Variants in NXPE1 observed in about 807,000 individuals in gnomAD.
The protein encoded by NXPE1 is neurexophilin and PC-esterase domain family member 1, also known as NXPE family member 1.
In NXPE1, 31 loss-of-function variants were observed where a neutral mutation model predicts 33.3. The observed-to-expected ratio is 0.93, with a 90% CI of 0.70 to 1.26. The LOEUF (loss-of-function observed/expected upper bound fraction) is 1.26. NXPE1 is among the 50% of genes most tolerant of loss of function. The probability of loss-of-function intolerance (pLI) is 0.00; values close to 1 mark genes in which losing one functional copy is unlikely to be tolerated. For synonymous variants in NXPE1, 229 were observed against 231.4 expected (o/e 0.99, Z 0.09); for missense variants, 661 against 655.6 (o/e 1.01, Z -0.09).
At chr11:114,554,287 T>C (rs1948598946) in intron 1 of NXPE1, 1 of 975,864 alleles carries the variant, frequency 1.0e-6, no homozygotes, top group South Asian at 4.7e-5. Flanking sequence ...TTCTCTGATA[T>C]GTAAGCAGAG....
intron 1 of NXPE1, among the ~76,000 whole-genome samples, chr11:114,557,662 T>C (rs1253384959): frequency 7.6e-6 from 1 of 131,812 alleles, no homozygotes; most frequent in Non-Finnish European, 1.5e-5. Flanking sequence ...TATATATATA[T>C]ATATATATAT....
intron 5 of NXPE1, among the ~76,000 whole-genome samples, chr11:114,537,945 T>C (rs1187239565): frequency 1.3e-5 from 2 of 152,134 alleles, no homozygotes; most frequent in Non-Finnish European, 2.9e-5. Flanking sequence ...AAAGTTCATA[T>C]GGAACCAAAA....
At chr11:114,556,896 CT>C (rs796264702) in intron 1 of NXPE1, among the ~76,000 whole-genome samples, 281 of 140,516 alleles carry the variant, frequency 2.0e-3, no homozygotes, top group East Asian at 3.5e-3. Flanking sequence ...CCCTTTTTGA[CT>C]TTTTTTTTTT....
intron 5 of NXPE1, among the ~76,000 whole-genome samples, chr11:114,534,281 C>A (rs1042309640): frequency 6.6e-6 from 1 of 152,210 alleles, no homozygotes; most frequent in African/African-American, 2.4e-5. Context: ...CAAAACCCAT[C>A]TGTACATAAC....
intron 1 of NXPE1, chr11:114,554,203 G>A: frequency 4.1e-6 from 4 of 982,758 alleles, no homozygotes; most frequent in Non-Finnish European, 4.8e-6. Context: ...GAAACTTGTA[G>A]CTGGACATGT....
chr11:114,522,028 G>T, exon 9 of NXPE1: 1 of 1,613,886 alleles, frequency 6.2e-7, no homozygotes, highest in Non-Finnish European at 8.5e-7. Context: ...CAGGTGGGTG[G>T]ATAGTGTCAG....
intron 1 of NXPE1, among the ~76,000 whole-genome samples, chr11:114,555,672 G>A (rs1423226574): frequency 3.3e-5 from 5 of 152,128 alleles, no homozygotes; most frequent in South Asian, 2.1e-4. Flanking sequence ...TGCATGCCCC[G>A]CTGCCCATGC....
intron 5 of NXPE1, among the ~76,000 whole-genome samples, chr11:114,533,781 G>A (rs893702665): frequency 8.5e-5 from 13 of 152,218 alleles, no homozygotes; most frequent in African/African-American, 2.7e-4. Flanking sequence ...TAAACAAAGC[G>A]GCCGGGAAGC....
chr11:114,528,985 C>A (rs748042066), intron 6 of NXPE1: 1 of 427,882 alleles, frequency 2.3e-6, no homozygotes, highest in South Asian at 8.4e-5. Flanking sequence ...CAGAAGGGAG[C>A]CAGGGACTAT....
At chr11:114,540,246 A>T (rs1345042922) in intron 5 of NXPE1, among the ~76,000 whole-genome samples, 3 of 152,164 alleles carry the variant, frequency 2.0e-5, no homozygotes, top group African/African-American at 4.8e-5. Context: ...GTGAGCCACC[A>T]TGCCCGGCCA....
At chr11:114,549,414 G>T (rs1034476331) in intron 5 of NXPE1, among the ~76,000 whole-genome samples, 8 of 151,898 alleles carry the variant, frequency 5.3e-5, no homozygotes, top group South Asian at 2.1e-4. Flanking sequence ...ATAATTCAGA[G>T]AGTTTTATTC....
chr11:114,557,672 TAA>T (rs1491414469), intron 1 of NXPE1, among the ~76,000 whole-genome samples: 22 of 122,288 alleles, frequency 1.8e-4, no homozygotes, highest in African/African-American at 5.1e-4. Flanking sequence ...TATATATATA[TAA>T]AATCCTTGTT....
At chr11:114,540,573 T>G (rs1434941202) in intron 5 of NXPE1, among the ~76,000 whole-genome samples, 3 of 152,158 alleles carry the variant, frequency 2.0e-5, no homozygotes, top group Non-Finnish European at 4.4e-5. Context: ...GGAAATAATT[T>G]TTTTTTAAGT....
intron 5 of NXPE1, among the ~76,000 whole-genome samples, chr11:114,535,942 T>C (rs1947804883): frequency 6.6e-6 from 1 of 152,154 alleles, no homozygotes; most frequent in South Asian, 2.1e-4. Flanking sequence ...CTAATAGACA[T>C]CTACAGAACT....
At chr11:114,522,882 T>C (rs769927558) in exon 8 of NXPE1, 1 of 1,608,170 alleles carries the variant, frequency 6.2e-7, no homozygotes, top group Non-Finnish European at 8.5e-7. Context: ...TACCTACTTT[T>C]TACAACTTTG....
At chr11:114,559,335 C>T (rs114673179) in intron 1 of NXPE1, among the ~76,000 whole-genome samples, 110 of 152,238 alleles carry the variant, frequency 7.2e-4, no homozygotes, top group African/African-American at 2.5e-3. Flanking sequence ...CGATCTCTCC[C>T]GTATTTTGAA....
chr11:114,527,869 C>T lies in NXPE1; in HGVS notation c.866G>A (p.Arg289His), dbSNP rs143110380. Reference sequence around the variant, plus strand: ...ACAATTAGTGACATCAATGTGTTTACGATCCTTCATCATTTCAACTCCCAC... The same window carrying T: ...ACAATTAGTGACATCAATGTGTTTATGATCCTTCATCATTTCAACTCCCAC... Residue 289 changes from arginine to histidine, a missense_variant, in exon 7 of 9, where the codon CGT becomes CAT. Transcript: ENST00000534921. 46 of 1,606,844 alleles carry T rather than the reference C, an allele frequency of 2.9e-5. No homozygotes were observed. The East Asian group carries it at 3.1e-4, about 11-fold the overall frequency.
At chr11:114,519,968 T>TCGCCTCCCGGGTTCAGGCTATTCTCC (rs1356498370), downstream of NXPE1, among the ~76,000 whole-genome samples, 68 of 117,312 alleles carry the variant, frequency 5.8e-4, 2 homozygotes, top group African/African-American at 2.8e-3. Flanking sequence ...CTCGGCGAGC[T>TCGCCTCCCGGGTTCAGGCTATTCTCC]TGCCCGCTAA....
At chr11:114,558,534 A>C (rs1948710257) in intron 1 of NXPE1, among the ~76,000 whole-genome samples, 1 of 152,170 alleles carries the variant, frequency 6.6e-6, no homozygotes, top group Admixed American at 6.6e-5. Context: ...TCTATTACTA[A>C]TGGAAGTTGA....
Sources: allele counts gnomAD v4.1 joint callset (sites outside exome capture counted in the v4.1 genomes callset), GRCh38; gene constraint gnomAD v4.1.1; transcripts MANE v1.5; gene names NCBI Gene and HGNC (gene_info 2026-07-23, HGNC 2026-07-21).